The following CNTN1 variants were observed in gnomAD, a reference collection of about 807,000 sequenced individuals.
The protein encoded by CNTN1 is contactin-1.
In CNTN1, 38 loss-of-function variants were observed where a neutral mutation model predicts 126.4. That is an observed-to-expected ratio of 0.30 (90% CI 0.23 to 0.39). The LOEUF is 0.39. Among genes scored for constraint, CNTN1 ranks in the 10% least tolerant of loss-of-function variants. The pLI is 1.00. For synonymous variants in CNTN1, 413 were observed against 422.6 expected (o/e 0.98, Z 0.28); for missense variants, 1,009 against 1,248.4 (o/e 0.81, Z 2.89).
intron 1 of CNTN1, among the ~76,000 whole-genome samples, chr12:40,784,016 C>T (rs1414188732): frequency 6.6e-6 from 1 of 152,080 alleles, no homozygotes; most frequent in South Asian, 2.1e-4. Flanking sequence ...AAGATTCCCA[C>T]AGTGTAGTTA....
chr12:40,917,064 G>GGTA (rs62903960), intron 3 of CNTN1, among the ~76,000 whole-genome samples: 1 of 74,504 alleles, frequency 1.3e-5, no homozygotes, highest in Non-Finnish European at 2.3e-5. Flanking sequence ...GTGGGGGCGG[G>GGTA]GGGGGGGGCA....
intron 1 of CNTN1, among the ~76,000 whole-genome samples, chr12:40,744,227 C>A (rs1444919183): frequency 3.3e-5 from 5 of 151,786 alleles, no homozygotes; most frequent in Non-Finnish European, 5.9e-5. Context: ...TGCAGCAAAC[C>A]ACCATGACAC....
At chr12:40,961,105 A>G (rs575219771) in intron 15 of CNTN1, among the ~76,000 whole-genome samples, 2 of 152,136 alleles carry the variant, frequency 1.3e-5, no homozygotes, top group South Asian at 4.1e-4. Context: ...TAGAGAATCA[A>G]TAAAAAGAAG....
chr12:40,796,546 CA>C (rs1469220640), intron 1 of CNTN1, among the ~76,000 whole-genome samples: 3 of 152,026 alleles, frequency 2.0e-5, no homozygotes, highest in African/African-American at 7.2e-5. Flanking sequence ...ACTAGAACAA[CA>C]GGGCTGACAA....
rs1473963540 is a variant in CNTN1 at position 40,943,628 on chromosome 12, A to G, written c.1411A>G (p.Ile471Val). ...ILIWEDGSLE[I>V]NNITRNDGGI... ...CATTTGGGAAGATGGTAGCTTGGAA[A>G]TCAACAACATTACAAGGAATGATGG... The change falls in exon 13 of 24, where the codon ATC (isoleucine) becomes GTC (valine). Residue 471 changes from isoleucine to valine, a missense_variant. Transcript: ENST00000551295. The G allele has an allele frequency of 6.3e-7, 1 of 1,598,186 alleles. No homozygotes were observed. Among genetic ancestry groups the G allele is most frequent in the Admixed American group, 1.7e-5 (1 of 59,888 alleles).
chr12:41,038,319 A>G (rs77979775), intron 23 of CNTN1, among the ~76,000 whole-genome samples: 12,054 of 152,120 alleles, frequency 0.079, 674 homozygotes, highest in African/African-American at 0.15. Context: ...CTGTCATGAC[A>G]GTACACAGAC....
intron 1 of CNTN1, among the ~76,000 whole-genome samples, chr12:40,744,798 G>A (rs1344304688): frequency 6.6e-6 from 1 of 152,084 alleles, no homozygotes; most frequent in African/African-American, 2.4e-5. Context: ...AGATATATTG[G>A]GAAGGGAGAT....
chr12:41,045,433 T>C (rs1247389280), intron 23 of CNTN1, among the ~76,000 whole-genome samples: 1 of 152,154 alleles, frequency 6.6e-6, no homozygotes, highest in Non-Finnish European at 1.5e-5. Flanking sequence ...TTATTCACTA[T>C]AACATAAATT....
At chr12:41,009,004 C>G (rs1282691843) in intron 17 of CNTN1, among the ~76,000 whole-genome samples, 3 of 152,218 alleles carry the variant, frequency 2.0e-5, no homozygotes, top group Non-Finnish European at 4.4e-5. Flanking sequence ...GAGAGACACA[C>G]TTTCAATAAC....
rs1201092704 is a variant in CNTN1, at chr12:40,788,189, G to A, written c.-77+95597G>A. ...AATGTTATCTGCCCTGCTTCCAAAT[G>A]CCAGGCTCAGAGAAAACCAGGAAGT... On this transcript the variant is annotated intron_variant, in intron 1 of 23. Coordinates refer to ENST00000551295, the MANE Select transcript of CNTN1 (RefSeq NM_001843.4). Among the ~76,000 whole-genome samples the A allele has an allele frequency of 3.3e-5, 5 of 152,206 alleles. No homozygotes were observed. The South Asian group carries it at 1.0e-3, about 32-fold the overall frequency.
At chr12:40,903,806 A>G (rs529176798) in intron 1 of CNTN1, among the ~76,000 whole-genome samples, 1 of 152,354 alleles carries the variant, frequency 6.6e-6, no homozygotes, top group East Asian at 1.9e-4. Context: ...GAGGCTCAAA[A>G]TAATGAAAAT....
chr12:40,768,467 T>G (rs898878638), intron 1 of CNTN1, among the ~76,000 whole-genome samples: 4 of 152,234 alleles, frequency 2.6e-5, no homozygotes, highest in African/African-American at 7.2e-5. Flanking sequence ...GGCCAAGACG[T>G]GATCCATCTT....
intron 16 of CNTN1, among the ~76,000 whole-genome samples, chr12:40,992,190 G>C (rs1948111066): frequency 6.6e-6 from 1 of 152,152 alleles, no homozygotes; most frequent in South Asian, 2.1e-4. Flanking sequence ...TTAAAATTAT[G>C]GCAGGGTGAG....
intron 14 of CNTN1, among the ~76,000 whole-genome samples, chr12:40,958,392 T>C (rs1198842115): frequency 2.6e-5 from 4 of 151,388 alleles, no homozygotes; most frequent in Admixed American, 1.3e-4. Flanking sequence ...TGTATGTATG[T>C]ATGTATATAC....
rs117266624 is a variant in CNTN1, at chr12:40,997,133, T to A, written c.2113+3864T>A. Among the ~76,000 whole-genome samples, 92 of 152,362 alleles carry A rather than the reference T, an allele frequency of 6.0e-4. 1 individual carries two copies. In the East Asian group the frequency reaches 0.017, roughly 28 times the overall value. On this transcript the variant is annotated intron_variant, in intron 17 of 23. Coordinates refer to ENST00000551295, the MANE Select transcript of CNTN1 (RefSeq NM_001843.4). ...TGCTCCCAAATGAAAAATTAGAAGA[T>A]GTATTTGTAATTCATTTTAACCCAT... is the stretch of plus-strand genomic sequence containing the variant.
At chr12:40,810,179 A>G (rs1041955026) in intron 1 of CNTN1, among the ~76,000 whole-genome samples, 3 of 152,172 alleles carry the variant, frequency 2.0e-5, no homozygotes, top group Admixed American at 2.0e-4. Flanking sequence ...TGGGGCATTT[A>G]TTCATTCATG....
At chr12:40,785,988 C>T (rs1940003430) in intron 1 of CNTN1, among the ~76,000 whole-genome samples, 1 of 152,148 alleles carries the variant, frequency 6.6e-6, no homozygotes, top group Admixed American at 6.6e-5. Flanking sequence ...AAGGGACAAA[C>T]ACCCAAACTA....
At chr12:40,897,780 T>C (rs2136756369) in intron 1 of CNTN1, among the ~76,000 whole-genome samples, 1 of 152,326 alleles carries the variant, frequency 6.6e-6, no homozygotes, top group South Asian at 2.1e-4. Context: ...GTATCTGTTC[T>C]GGTAATGAAA....
intron 1 of CNTN1, among the ~76,000 whole-genome samples, chr12:40,704,512 A>C (rs182038626): frequency 6.6e-6 from 1 of 152,106 alleles, no homozygotes; most frequent in Non-Finnish European, 1.5e-5. Context: ...TTGATTTCAC[A>C]GCTTCTTTCT....
Sources: allele counts gnomAD v4.1 joint callset (sites outside exome capture counted in the v4.1 genomes callset), GRCh38; gene constraint gnomAD v4.1.1; transcripts MANE v1.5; gene names NCBI Gene and HGNC (gene_info 2026-07-23, HGNC 2026-07-21).